The following SYNPO2 variants were observed in gnomAD, a reference collection of about 807,000 sequenced individuals.
SYNPO2 encodes the protein synaptopodin 2.
In SYNPO2, 56 loss-of-function variants were observed where a neutral mutation model predicts 85.0. The observed-to-expected ratio is 0.66, with a 90% confidence interval of 0.53 to 0.82. The LOEUF is 0.82. Ranked by LOEUF, SYNPO2 falls within the 40% of genes least tolerant of loss-of-function variation. The pLI, the probability that SYNPO2 is intolerant of heterozygous loss-of-function variation, is 0.00. For synonymous variants in SYNPO2, 602 were observed against 591.1 expected, an observed-to-expected ratio of 1.02 and a Z score of -0.27; for missense variants, 1,575 against 1,534.2, an observed-to-expected ratio of 1.03 and a Z score of -0.44.
chr4:119,051,659 A>G (rs1440758698), intron 4 of SYNPO2, among the ~76,000 whole-genome samples: 1 of 152,154 alleles, frequency 6.6e-6, no homozygotes, highest in East Asian at 1.9e-4. Flanking sequence ...CTTGGAATTG[A>G]TTTGTAGAAA....
In SYNPO2 at chr4:118,915,522, T is replaced by C. The variant is rs184788107; in HGVS notation, c.105+26381T>C. On this transcript the variant is annotated intron_variant, in intron 1 of 4. Transcript: ENST00000307142. ...TTATCCATATGGCTGTAACTCTGGT[T>C]AATTTATTTTTTCTAATGTGTAATA... Among the ~76,000 whole-genome samples the C allele has an allele frequency of 4.3e-3, 656 of 152,294 alleles. 7 individuals carry two copies. Among genetic ancestry groups the C allele is most frequent in the African/African-American group, 0.015 (610 of 41,554 alleles).
rs1417457541 is a variant in SYNPO2, at chr4:118,871,418, T to C, written c.12+20478T>C. ...CATATCACATCTTTATTTTTCTTCA[T>C]AGCATTTGCCACCATGTGACAAAAC... On this transcript the variant is annotated intron_variant, in intron 1 of 4. Transcript: ENST00000610556. Among the ~76,000 whole-genome samples the C allele has an allele frequency of 2.0e-5, 3 of 152,180 alleles. No individual in the cohort carries two copies. In the East Asian group the frequency reaches 5.8e-4, roughly 29 times the overall value.
intron 2 of SYNPO2, among the ~76,000 whole-genome samples, chr4:119,025,448 G>T (rs961332667): frequency 2.6e-5 from 4 of 152,146 alleles, no homozygotes; most frequent in Non-Finnish European, 4.4e-5. Context: ...TATAGAGAAA[G>T]GTGCATTTTG....
intron 1 of SYNPO2, among the ~76,000 whole-genome samples, chr4:119,012,478 C>T (rs930515536): frequency 1.3e-5 from 2 of 149,930 alleles, no homozygotes; most frequent in African/African-American, 4.9e-5. Context: ...TTTGCTGCAC[C>T]TATCAACCTG....
intron 1 of SYNPO2, among the ~76,000 whole-genome samples, chr4:118,868,125 C>A (rs1731734389): frequency 1.5e-5 from 2 of 131,208 alleles, no homozygotes; most frequent in Admixed American, 8.3e-5. Flanking sequence ...TTTTTTTGTG[C>A]AATGGTTCTG....
At chr4:118,943,188 G>C (rs1366204075) in intron 1 of SYNPO2, among the ~76,000 whole-genome samples, 1 of 151,594 alleles carries the variant, frequency 6.6e-6, no homozygotes, top group African/African-American at 2.4e-5. Flanking sequence ...TACCTAAAAA[G>C]ACCTCACACA....
chr4:119,025,185 A>C (rs1277440744), intron 2 of SYNPO2, among the ~76,000 whole-genome samples: 2 of 152,162 alleles, frequency 1.3e-5, no homozygotes, highest in African/African-American at 2.4e-5. Flanking sequence ...GGCTGGCATG[A>C]ATTGAAACTA....
intron 1 of SYNPO2, among the ~76,000 whole-genome samples, chr4:118,907,771 G>T (rs4833597): frequency 0.86 from 131,292 of 152,180 alleles, 56,690 homozygotes; most frequent in Middle Eastern, 0.95. Context: ...AAAAATAAAG[G>T]AAAAACTATA....
rs147309226 is a variant in SYNPO2 at position 119,016,445 on chromosome 4, T to G, written c.106-6985T>G. Among the ~76,000 whole-genome samples the G allele has an allele frequency of 3.1e-4, 47 of 152,238 alleles. No individual in the cohort carries two copies. In the East Asian group the frequency reaches 5.4e-3, roughly 18 times the overall value. On this transcript the variant is annotated intron_variant, in intron 1 of 4. Transcript: ENST00000307142. ...AAAAAAAAAAAAATCAACTAAAATT[T>G]AGGAAACCCAAATAGTTCTAGTTCT...
intron 4 of SYNPO2, among the ~76,000 whole-genome samples, chr4:119,040,378 T>C (rs1208102581): frequency 6.6e-6 from 1 of 152,184 alleles, no homozygotes; most frequent in Non-Finnish European, 1.5e-5. Context: ...GAGATCTTTG[T>C]TTCTTCTCTT....
At chr4:118,933,251 T>G (rs1733989142) in intron 1 of SYNPO2, among the ~76,000 whole-genome samples, 1 of 152,216 alleles carries the variant, frequency 6.6e-6, no homozygotes, top group Admixed American at 6.5e-5. Flanking sequence ...TAAGTCATGT[T>G]ATTTAGGGTA....
At position 119,030,017 on chromosome 4, in the gene SYNPO2, T is replaced by C; in HGVS notation, c.1242T>C (p.Thr414=). The stretch of plus-strand genomic sequence containing the variant: ...AATACACCCTAGTTAGCTACGGTAC[T>C]GGCGAGCTTGAGCGAGAGGCGGACG... The part of the protein sequence containing the change: ...ARKYTLVSYG[T]GELEREADEE... Residue 414 remains threonine, a synonymous_variant, in exon 4 of 5, where the codon ACT becomes ACC. Transcript: ENST00000307142. 6.2e-7 allele frequency: 1 copy of C among 1,614,074 alleles called. No homozygotes were observed. Among genetic ancestry groups the C allele is most frequent in the Non-Finnish European group, 8.5e-7 (1 of 1,180,000 alleles).
At chr4:119,052,396 A>G (rs1420625657) in intron 4 of SYNPO2, among the ~76,000 whole-genome samples, 2 of 152,324 alleles carry the variant, frequency 1.3e-5, no homozygotes, top group South Asian at 4.1e-4. Context: ...ATTAGCATGA[A>G]TCAAGGACTA....
chr4:118,990,373 C>T lies in SYNPO2; in HGVS notation c.106-33057C>T, dbSNP rs541079658. On this transcript the variant is annotated intron_variant, in intron 1 of 4. Coordinates refer to ENST00000307142, the MANE Select transcript of SYNPO2 (RefSeq NM_133477.3). The stretch of plus-strand genomic sequence containing the variant: ...GAGAGACTTCTCCCAGGAAATACAT[C>T]TTTGCTTGACCCTGAAGAATCAATA... 7.9e-5 allele frequency among the ~76,000 whole-genome samples: 12 copies of T among 152,294 alleles called. No homozygotes were observed. In the East Asian group the frequency reaches 2.3e-3, roughly 29 times the overall value.
chr4:118,856,498 A>G (rs1560796921), intron 1 of SYNPO2, among the ~76,000 whole-genome samples: 2 of 152,112 alleles, frequency 1.3e-5, no homozygotes, highest in Non-Finnish European at 2.9e-5. Context: ...TATTTCGAAT[A>G]TATATGCTAT....
chr4:118,954,564 A>T (rs1734805696), intron 1 of SYNPO2, among the ~76,000 whole-genome samples: 1 of 152,228 alleles, frequency 6.6e-6, no homozygotes. Context: ...ACTAGGCATA[A>T]TTCAGGCATA....
exon 1 of SYNPO2, chr4:118,850,776 C>T (rs935134824): frequency 1.8e-5 from 7 of 398,432 alleles, no homozygotes; most frequent in East Asian, 3.6e-5. Flanking sequence ...AACTCGGAAG[C>T]GAAGCTCCAA....
In SYNPO2 at chr4:118,857,565, A is replaced by G. The variant is rs534987991; in HGVS notation, c.12+6625A>G. 1.2e-3 allele frequency among the ~76,000 whole-genome samples: 176 copies of G among 152,068 alleles called. 1 individual carries two copies. The highest frequency in any genetic ancestry group is 2.7e-3 in the Admixed American group (42 of 15,290). On this transcript the variant is annotated intron_variant, in intron 1 of 4. Transcript: ENST00000610556. ...CACAGAGCATATGGTTCACTGAAAC[A>G]AGACAGAATTTTTTTTAAAAAAATC... is the stretch of plus-strand genomic sequence containing the variant.
chr4:118,927,697 GAGAT>G (rs70944821), intron 1 of SYNPO2, among the ~76,000 whole-genome samples: 35,440 of 124,104 alleles, frequency 0.29, 6,235 homozygotes, highest in Non-Finnish European at 0.33. Context: ...ATTAAACAAT[GAGAT>G]AGATAGATAG....
Sources: allele counts gnomAD v4.1 joint callset (sites outside exome capture counted in the v4.1 genomes callset), GRCh38; gene constraint gnomAD v4.1.1; transcripts MANE v1.5; gene names NCBI Gene and HGNC (gene_info 2026-07-23, HGNC 2026-07-21).